GJB3: variants seen among roughly 807,000 people sequenced by gnomAD.
GJB3 encodes gap junction beta-3 protein.
GJB3 carries 6 observed loss-of-function variants against 8.1 expected under a neutral mutation model. The observed-to-expected ratio is 0.75, with a 90% confidence interval of 0.41 to 1.47. The LOEUF (loss-of-function observed/expected upper bound fraction) is 1.47, where lower values mean the gene tolerates loss of function less well. Among genes scored for constraint, GJB3 ranks in the 40% most tolerant of loss-of-function variants. The pLI is 0.02. For missense variants in GJB3, 348 were observed against 365.6 expected (o/e 0.95, Z 0.39); for synonymous variants, 137 against 156.4 (o/e 0.88, Z 0.93).
intron 1 of GJB3, among the ~76,000 whole-genome samples, 183 bp from the exon 2 acceptor site, chr1:34,784,555 G>C (rs1344010722): frequency 6.6e-6 from 1 of 152,190 alleles, no homozygotes; most frequent in Non-Finnish European, 1.5e-5. Flanking sequence ...CTTTGGTTAA[G>C]TTATATAACC....
In GJB3 at chr1:34,784,823, GGGCGCATCT is replaced by G; in HGVS notation, c.65_73del (p.Arg22_Trp24del). On this transcript the variant is annotated inframe_deletion, in exon 2 of 2. Coordinates refer to ENST00000373366, the MANE Select transcript of GJB3 (RefSeq NM_024009.3). ...TGTGAACAAGTACTCCACAGCGTTCGGGCGCATCTGGCTGTCCGTGGTGTTCGTCTTCCG... is the reference window on the plus strand; with the variant it reads ...TGTGAACAAGTACTCCACAGCGTTCGGGCTGTCCGTGGTGTTCGTCTTCCG... 6.2e-7 allele frequency: 1 copy of G among 1,614,200 alleles called. No individual in the cohort carries two copies. Among genetic ancestry groups the G allele is most frequent in the East Asian group, 2.2e-5 (1 of 44,882 alleles).
At chr1:34,782,904 CATTT>C (rs912346863) in intron 1 of GJB3, among the ~76,000 whole-genome samples, 7 of 152,212 alleles carry the variant, frequency 4.6e-5, no homozygotes, top group East Asian at 3.9e-4. Context: ...ACTCAGCATT[CATTT>C]GTTTACCCAT....
At chr1:34,783,308 A>T (rs918318028) in intron 1 of GJB3, among the ~76,000 whole-genome samples, 1 of 152,136 alleles carries the variant, frequency 6.6e-6, no homozygotes, top group Non-Finnish European at 1.5e-5. Flanking sequence ...TTTCAGACCC[A>T]GGGTAATCTG....
intron 1 of GJB3, among the ~76,000 whole-genome samples, chr1:34,782,106 G>A (rs1308958066): frequency 2.6e-5 from 4 of 152,212 alleles, no homozygotes; most frequent in African/African-American, 7.2e-5. Flanking sequence ...CGGGAGGTAG[G>A]GCTGGGCACA....
intron 1 of GJB3, among the ~76,000 whole-genome samples, chr1:34,782,963 AT>A (rs1176464820): frequency 6.6e-6 from 1 of 152,188 alleles, no homozygotes; most frequent in Non-Finnish European, 1.5e-5. Context: ...GGCACTAAAT[AT>A]AAAGCAGTGA....
At position 34,781,561 on chromosome 1, in the gene GJB3, AG is replaced by A. The variant is rs1038380856; in HGVS notation, c.-241del. 19 of 152,420 alleles carry A rather than the reference AG, an allele frequency of 1.2e-4. No homozygotes were observed. Among genetic ancestry groups the A allele is most frequent in the African/African-American group, 4.3e-4 (18 of 41,572 alleles). 9.4% of individuals were successfully genotyped at this position (152,420 alleles called of 1,614,324 possible). A position where few individuals can be genotyped will look rare whatever the true frequency, so the allele number is the denominator to read the frequency against. ...CCCCATTTCACGCCTGAGGAAGCGG[AG>A]GCTCAGACGGGCCACCAGCCCCTCC... On this transcript the variant is annotated 5_prime_UTR_variant, in exon 1 of 2. An upstream open reading frame in the 5' UTR loses its in-frame stop. Transcript: ENST00000373366. The surrounding 1 kb of genome is among the most constrained non-coding windows in gnomAD (Gnocchi z 6.2).
rs770319819 is a variant in GJB3 at position 34,785,398 on chromosome 1, C to G, written c.636C>G (p.His212Gln). The G allele has an allele frequency of 1.2e-6, 2 of 1,614,202 alleles. No individual in the cohort carries two copies. The highest frequency in any genetic ancestry group is 1.7e-6 in the Non-Finnish European group (2 of 1,180,044). ...GTGAGCTCTGCTACCTCATCTGCCA[C>G]AGGGTCCTGCGAGGCCTGCACAAGG... is the stretch of plus-strand genomic sequence containing the variant. The part of the protein sequence containing the change: ...TICELCYLIC[H>Q]RVLRGLHKDK... The change falls in exon 2 of 2, where the codon CAC becomes CAG. Residue 212 changes from histidine (H) to glutamine (Q), a missense_variant. His to Gln is a conservative substitution (Grantham distance 24). Coordinates refer to ENST00000373366, the MANE Select transcript of GJB3 (RefSeq NM_024009.3). The surrounding 1 kb of genome is among the most constrained non-coding windows in gnomAD (Gnocchi z 4.7).
intron 1 of GJB3, among the ~76,000 whole-genome samples, chr1:34,782,030 A>G (rs1297659931): frequency 1.3e-5 from 2 of 152,154 alleles, no homozygotes; most frequent in African/African-American, 4.8e-5. Flanking sequence ...GCAAGCTCCC[A>G]AGCTGCCTAG....
chr1:34,785,696 T>G lies in GJB3; in HGVS notation c.*121T>G, dbSNP rs907823957. 1 of 805,588 alleles carries G rather than the reference T, an allele frequency of 1.2e-6. No homozygotes were observed. Among genetic ancestry groups the G allele is most frequent in the Non-Finnish European group, 2.0e-6 (1 of 493,720 alleles). 49.9% of individuals were successfully genotyped at this position (805,588 alleles called of 1,614,324 possible). On this transcript the variant is annotated 3_prime_UTR_variant, in exon 2 of 2. Coordinates refer to ENST00000373366, the MANE Select transcript of GJB3 (RefSeq NM_024009.3). The surrounding 1 kb of genome is among the most constrained non-coding windows in gnomAD (Gnocchi z 4.7). Reference sequence around the variant, plus strand: ...CTCTGAGTTCACTAAGTTATGCAACTTTCGTTTTGGCAGATATTTTTTGAC... The same window carrying G: ...CTCTGAGTTCACTAAGTTATGCAACGTTCGTTTTGGCAGATATTTTTTGAC...
At position 34,784,894 on chromosome 1, in the gene GJB3, G is replaced by A. The variant is rs1219815312; in HGVS notation, c.132G>A (p.Trp44Ter). 3.1e-6 allele frequency: 5 copies of A among 1,614,134 alleles called. No homozygotes were observed. Among genetic ancestry groups the A allele is most frequent in the Non-Finnish European group, 4.2e-6 (5 of 1,180,016 alleles). The change falls in exon 2 of 2, where the codon TGG becomes TGA. Residue 44 changes from tryptophan (W) to a stop codon, truncating the protein, a stop_gained. Coordinates refer to ENST00000373366, the MANE Select transcript of GJB3 (RefSeq NM_024009.3). LOFTEE classifies it high-confidence loss of function. Reference sequence around the variant, plus strand: ...ACGTGGTGGCTGCAGAGCGCGTGTGGGGGGATGAGCAGAAGGACTTTGACT... The same window carrying A: ...ACGTGGTGGCTGCAGAGCGCGTGTGAGGGGATGAGCAGAAGGACTTTGACT... ...LVYVVAAERV[W>*]GDEQKDFDCN...
At position 34,784,900 on chromosome 1, in the gene GJB3, T is replaced by A; in HGVS notation, c.138T>A (p.Asp46Glu). ...YVVAAERVWG[D>E]EQKDFDCNTK... ...TGGCTGCAGAGCGCGTGTGGGGGGA[T>A]GAGCAGAAGGACTTTGACTGCAACA... The change falls in exon 2 of 2, where the codon GAT becomes GAA. Residue 46 changes from aspartate to glutamate, a missense_variant. By Grantham distance (45) the Asp-to-Glu change is conservative. Transcript: ENST00000373366. 1 of 1,614,074 alleles carries A rather than the reference T, an allele frequency of 6.2e-7. No homozygotes were observed. The highest frequency in any genetic ancestry group is 8.5e-7 in the Non-Finnish European group (1 of 1,179,992).
chr1:34,784,095 T>C (rs1640058642), intron 1 of GJB3, among the ~76,000 whole-genome samples: 1 of 152,192 alleles, frequency 6.6e-6, no homozygotes, highest in Non-Finnish European at 1.5e-5. Context: ...TGCTGTAGAA[T>C]GGGACTCATA....
rs1640091635 is a variant in GJB3, at chr1:34,785,336, G to A, written c.574G>A (p.Val192Met). Residue 192 changes from valine (V) to methionine (M), a missense_variant, in exon 2 of 2, where the codon GTG becomes ATG. Coordinates refer to ENST00000373366, the MANE Select transcript of GJB3 (RefSeq NM_024009.3). The surrounding 1 kb of genome is among the most constrained non-coding windows in gnomAD (Gnocchi z 4.7). Reference sequence around the variant, plus strand: ...GAAGAAAATCTTCACCTACTTCATGGTGGGCGCCTCCGCCGTCTGCATCGT... The same window carrying A: ...GAAGAAAATCTTCACCTACTTCATGATGGGCGCCTCCGCCGTCTGCATCGT... ...TEKKIFTYFM[V>M]GASAVCIVLT... 4 of 1,613,910 alleles carry A rather than the reference G, an allele frequency of 2.5e-6. No individual in the cohort carries two copies. The highest frequency in any genetic ancestry group is 1.3e-5 in the African/African-American group (1 of 75,022).
At chr1:34,782,211 C>G (rs1640022219) in intron 1 of GJB3, 1 of 152,398 alleles carries the variant, frequency 6.6e-6, no homozygotes. Context: ...AGTCCCCAGC[C>G]TAGACTTGGG....
Position 34,784,979 on chromosome 1 carries a change from A to C in GJB3, c.217A>C (p.Asn73His). Residue 73 changes from asparagine to histidine, a missense_variant, in exon 2 of 2, where the codon AAC (asparagine) becomes CAC (histidine). Coordinates refer to ENST00000373366, the MANE Select transcript of GJB3 (RefSeq NM_024009.3). ...VCYDNYFPIS[N>H]IRLWALQLIF... ...CTACGACAACTACTTCCCCATCTCC[A>C]ACATCCGCCTCTGGGCCCTGCAGCT... 1 of 1,614,120 alleles carries C rather than the reference A, an allele frequency of 6.2e-7. No individual in the cohort carries two copies. The highest frequency in any genetic ancestry group is 8.5e-7 in the Non-Finnish European group (1 of 1,180,014).
In GJB3 at chr1:34,785,381, T is replaced by G. The variant is rs1192423717; in HGVS notation, c.619T>G (p.Cys207Gly). Reference protein sequence around the residue: ...VCIVLTICELCYLICHRVLRG... With the variant: ...VCIVLTICELGYLICHRVLRG... ...CATCGTACTCACCATCTGTGAGCTCTGCTACCTCATCTGCCACAGGGTCCT... is the reference window on the plus strand; with the variant it reads ...CATCGTACTCACCATCTGTGAGCTCGGCTACCTCATCTGCCACAGGGTCCT... Residue 207 changes from cysteine (C) to glycine (G), a missense_variant, in exon 2 of 2, where the codon TGC becomes GGC. Cys to Gly is a radical substitution (Grantham distance 159). Transcript: ENST00000373366. The surrounding 1 kb of genome is among the most constrained non-coding windows in gnomAD (Gnocchi z 4.7). 1.9e-6 allele frequency: 3 copies of G among 1,614,128 alleles called. No homozygotes were observed. The South Asian group carries it at 3.3e-5, about 18-fold the overall frequency.
Position 34,784,850 on chromosome 1 carries a change from G to A in GJB3, c.88G>A (p.Val30Ile), listed in dbSNP as rs373725070. The change falls in exon 2 of 2, where the codon GTC (valine) becomes ATC (isoleucine). Residue 30 changes from valine (V) to isoleucine (I), a missense_variant. Val to Ile is a conservative substitution (Grantham distance 29). Transcript: ENST00000373366. ...GCGCATCTGGCTGTCCGTGGTGTTCGTCTTCCGGGTGCTGGTATACGTGGT... is the reference window on the plus strand; with the variant it reads ...GCGCATCTGGCTGTCCGTGGTGTTCATCTTCCGGGTGCTGGTATACGTGGT... ...FGRIWLSVVF[V>I]FRVLVYVVAA... The A allele has an allele frequency of 9.9e-6, 16 of 1,614,062 alleles. No individual in the cohort carries two copies. Among genetic ancestry groups the A allele is most frequent in the African/African-American group, 5.3e-5 (4 of 74,912 alleles).
Position 34,785,182 on chromosome 1 carries a change from C to T in GJB3, c.420C>T (p.Ile140=). 2 of 1,614,174 alleles carry T rather than the reference C, an allele frequency of 1.2e-6. No homozygotes were observed. The highest frequency in any genetic ancestry group is 1.7e-6 in the Non-Finnish European group (2 of 1,180,038). ...TGTTCAGCCTCATCTTCAAGCTCAT[C>T]ATTGAGTTCCTCTTCCTCTACCTGC... ...TYLFSLIFKL[I]IEFLFLYLLH... Residue 140 remains isoleucine (I), a synonymous_variant, in exon 2 of 2, where the codon ATC becomes ATT. Coordinates refer to ENST00000373366, the MANE Select transcript of GJB3 (RefSeq NM_024009.3). The surrounding 1 kb of genome is among the most constrained non-coding windows in gnomAD (Gnocchi z 4.7).
intron 1 of GJB3, chr1:34,782,492 G>T (rs1170442535): frequency 6.6e-6 from 1 of 152,138 alleles, no homozygotes; most frequent in Non-Finnish European, 1.5e-5. Context: ...CCAGAAAGTA[G>T]GAATTATTTC....
Sources: gnomAD v4.1 joint callset for allele counts (sites outside exome capture counted in the v4.1 genomes callset) on GRCh38, gnomAD v4.1.1 for gene constraint, Gnocchi (gnomAD v3.1) non-coding constraint, MANE v1.5 for transcripts, NCBI Gene and HGNC (gene_info 2026-07-23, HGNC 2026-07-21) for gene names.